Variants in HYAL3 observed in about 807,000 individuals in gnomAD.
HYAL3 encodes hyaluronidase 3.
Under a neutral mutation model 29.6 loss-of-function variants are expected in HYAL3, and 25 were observed. The observed-to-expected ratio is 0.85, with a 90% CI of 0.62 to 1.18. The LOEUF (loss-of-function observed/expected upper bound fraction) is 1.18. HYAL3 is among the 50% of genes most tolerant of loss of function. HYAL3 has a pLI of 0.00. For synonymous variants in HYAL3, 215 were observed against 218.3 expected (o/e 0.99, Z 0.13); for missense variants, 442 against 548.4 (o/e 0.81, Z 1.94).
rs587643089 is a variant in HYAL3 at position 50,294,606 on chromosome 3, G to A, written c.894+103C>T. ...CAGGACAGGGCCTTCCGCTGAGAACGCCTAGATTAGGACCAACCCCTAGGC... is the reference window on the plus strand; with the variant it reads ...CAGGACAGGGCCTTCCGCTGAGAACACCTAGATTAGGACCAACCCCTAGGC... On this transcript the variant is annotated intron_variant, in intron 2 of 3. Transcript: ENST00000336307. 49 of 974,356 alleles carry A rather than the reference G, an allele frequency of 5.0e-5. No individual in the cohort carries two copies. In the East Asian group the frequency reaches 8.9e-4, roughly 18 times the overall value. 60.4% of individuals were successfully genotyped at this position (974,356 alleles called of 1,614,324 possible).
In HYAL3 at chr3:50,292,965, G is replaced by T. The variant is rs1553710225; in HGVS notation, c.*281C>A. On this transcript the variant is annotated 3_prime_UTR_variant, in exon 4 of 4. Transcript: ENST00000336307. Reference sequence around the variant, plus strand: ...GTGACCTCTCCATGGGCTTAGTGAGGTGTAGGCACAAAGCCCTAGGCTGGC... The same window carrying T: ...GTGACCTCTCCATGGGCTTAGTGAGTTGTAGGCACAAAGCCCTAGGCTGGC... 6.5e-7 allele frequency: 1 copy of T among 1,546,364 alleles called. No homozygotes were observed. The highest frequency in any genetic ancestry group is 2.5e-5 in the East Asian group (1 of 40,312).
Position 50,293,171 on chromosome 3 carries a change from G to A in HYAL3, c.*75C>T. ...GTTGACTGTAAACTGAATAGAGCAAGAGTGGGACAGAGTAGTTCCAGGACT... is the reference window on the plus strand; with the variant it reads ...GTTGACTGTAAACTGAATAGAGCAAAAGTGGGACAGAGTAGTTCCAGGACT... On this transcript the variant is annotated 3_prime_UTR_variant, in exon 4 of 4. Transcript: ENST00000336307. 2 of 1,592,164 alleles carry A rather than the reference G, an allele frequency of 1.3e-6. No homozygotes were observed. Among genetic ancestry groups the A allele is most frequent in the African/African-American group, 1.3e-5 (1 of 74,700 alleles).
rs1553710226 is a variant in HYAL3, at chr3:50,292,966, T to C, written c.*280A>G. ...TGACCTCTCCATGGGCTTAGTGAGGTGTAGGCACAAAGCCCTAGGCTGGCA... is the reference window on the plus strand; with the variant it reads ...TGACCTCTCCATGGGCTTAGTGAGGCGTAGGCACAAAGCCCTAGGCTGGCA... On this transcript the variant is annotated 3_prime_UTR_variant, in exon 4 of 4. Transcript: ENST00000336307. The C allele has an allele frequency of 1.9e-6, 3 of 1,545,424 alleles. No homozygotes were observed. In the East Asian group the frequency reaches 7.5e-5, roughly 38 times the overall value.
Position 50,299,213 on chromosome 3 carries a change from A to G in HYAL3, c.-18T>C, listed in dbSNP as rs782539688. ...CAAATGGGAAGGGTGCGGTACTGAC[A>G]TGTTGATGCTGGCCTCTGGGATGTT... On this transcript the variant is annotated splice_region_variant and 5_prime_UTR_variant, in exon 1 of 4. The change abolishes an upstream ATG in the 5' untranslated region. Transcript: ENST00000336307. The G allele has an allele frequency of 1.2e-6, 2 of 1,614,128 alleles. No homozygotes were observed. The highest frequency in any genetic ancestry group is 1.7e-6 in the Non-Finnish European group (2 of 1,179,998).
Position 50,295,481 on chromosome 3 carries a change from T to G in HYAL3, c.122A>C (p.His41Pro). ...GTGCACACCAAAGCGGGCCTCACAG[T>G]GTGCTGAGGGTACATTCCACAGCAC... ...FSVLWNVPSA[H>P]CEARFGVHLP... is the part of the protein sequence containing the mutation. Residue 41 changes from histidine to proline, a missense_variant, in exon 2 of 4, where the codon CAC becomes CCC. By Grantham distance (77) the His-to-Pro change is moderately conservative (BLOSUM62 -2). Transcript: ENST00000336307. 2 of 1,613,012 alleles carry G rather than the reference T, an allele frequency of 1.2e-6. No individual in the cohort carries two copies. The highest frequency in any genetic ancestry group is 1.7e-6 in the Non-Finnish European group (2 of 1,179,718).
intron 1 of HYAL3, chr3:50,296,897 C>T: frequency 6.2e-7 from 1 of 1,608,688 alleles, no homozygotes; most frequent in Non-Finnish European, 8.5e-7. Flanking sequence ...GCTCACCCAG[C>T]TGGTAGCCCA....
In HYAL3 at chr3:50,296,418, T is replaced by TA; in HGVS notation, c.-17-800dup. ...TCACAGCCATACCCAAGAGAGCCTT[T>TA]ATTCAGCCACACTGACGGCTCTGAG... On this transcript the variant is annotated intron_variant, in intron 1 of 3. Transcript: ENST00000336307. 4 of 651,662 alleles carry TA rather than the reference T, an allele frequency of 6.1e-6. No homozygotes were observed. The South Asian group carries it at 7.9e-5, about 13-fold the overall frequency. 40.4% of individuals were successfully genotyped at this position (651,662 alleles called of 1,614,324 possible).
intron 2 of HYAL3, 126 bp downstream of exon 2, chr3:50,294,583 G>A: frequency 1.3e-6 from 1 of 767,808 alleles, no homozygotes. Context: ...AGATGCTCCA[G>A]GACAGGGCCT....
Position 50,295,311 on chromosome 3 carries a change from C to A in HYAL3, c.292G>T (p.Ala98Ser), listed in dbSNP as rs1425146077. The A allele has an allele frequency of 1.4e-5, 22 of 1,614,052 alleles. No individual in the cohort carries two copies. Among genetic ancestry groups the A allele is most frequent in the Non-Finnish European group, 1.7e-5 (20 of 1,180,048 alleles). The change falls in exon 2 of 4, where the codon GCT (alanine) becomes TCT (serine). Residue 98 changes from alanine to serine, a missense_variant. By Grantham distance (99) the Ala-to-Ser change is moderately conservative. Coordinates refer to ENST00000336307, the MANE Select transcript of HYAL3 (RefSeq NM_003549.4). ...GTAHNGGIPQ[A>S]LPLDRHLALA... Reference sequence around the variant, plus strand: ...GCCAGGTGGCGGTCAAGGGGCAAAGCCTGGGGGATGCCCCCATTGTGAGCT... The same window carrying A: ...GCCAGGTGGCGGTCAAGGGGCAAAGACTGGGGGATGCCCCCATTGTGAGCT...
chr3:50,297,961 G>C lies in HYAL3; in HGVS notation c.-18+1252C>G. On this transcript the variant is annotated intron_variant, in intron 1 of 3. Coordinates refer to ENST00000336307, the MANE Select transcript of HYAL3 (RefSeq NM_003549.4). This position sits in a 1 kb window ranked among gnomAD's most constrained non-coding sequence, Gnocchi z 4.3. ...GGAGTCCTGGCCCCAGCCTGCTCTG[G>C]CTACAAATTTGTCCTCCTCAGGACC... 1.0e-6 allele frequency: 1 copy of C among 988,734 alleles called. No individual in the cohort carries two copies. Among genetic ancestry groups the C allele is most frequent in the Non-Finnish European group, 1.2e-6 (1 of 832,442 alleles). The allele number at this position is 988,734 out of a possible 1,614,324, so 61.2% of individuals were successfully genotyped here.
intron 1 of HYAL3, chr3:50,298,169 C>T (rs1205999441): frequency 9.2e-6 from 8 of 871,990 alleles, no homozygotes; most frequent in African/African-American, 5.5e-5. Flanking sequence ...AAAAACTGCC[C>T]GGGAGTCTTC....
rs1407686299 is a variant in HYAL3 at position 50,296,499 on chromosome 3, GC to G, written c.-17-881del. On this transcript the variant is annotated intron_variant, in intron 1 of 3. Transcript: ENST00000336307. ...CAGGAAACATGCCCAGGTTAAAGCTGCCCCCCAGGGGCTAGGGGCTGAGGTA... is the reference window on the plus strand; with the variant it reads ...CAGGAAACATGCCCAGGTTAAAGCTGCCCCCAGGGGCTAGGGGCTGAGGTA... 44 of 1,342,900 alleles carry G rather than the reference GC, an allele frequency of 3.3e-5. No homozygotes were observed. In the East Asian group the frequency reaches 1.0e-3, roughly 32 times the overall value. 83.2% of individuals were successfully genotyped at this position (1,342,900 alleles called of 1,614,324 possible). A position where few individuals can be genotyped will look rare whatever the true frequency, so the allele number is the denominator to read the frequency against.
At chr3:50,298,661 G>C (rs1435733902) in intron 1 of HYAL3, among the ~76,000 whole-genome samples, 3 of 152,112 alleles carry the variant, frequency 2.0e-5, no homozygotes, top group Non-Finnish European at 2.9e-5. Context: ...TCTAGTCGTG[G>C]GCGGGCAGCT....
Position 50,294,853 on chromosome 3 carries a change from C to G in HYAL3, c.750G>C (p.Arg250Ser), listed in dbSNP as rs369523871. 8.4e-6 allele frequency: 13 copies of G among 1,540,254 alleles called. No homozygotes were observed. In the African/African-American group the frequency reaches 1.1e-4, roughly 13 times the overall value. ...ALFPSIYLPPRLPPAHHQAFV... is the reference protein window; with the variant it reads ...ALFPSIYLPPSLPPAHHQAFV... ...AGGCCTGGTGGTGGGCAGGTGGCAGCCTGGGTGGGAGGTAGATGCTGGGGA... is the reference window on the plus strand; with the variant it reads ...AGGCCTGGTGGTGGGCAGGTGGCAGGCTGGGTGGGAGGTAGATGCTGGGGA... Residue 250 changes from arginine (R) to serine (S), a missense_variant, in exon 2 of 4, where the codon AGG becomes AGC. Physicochemically the swap from Arg to Ser is moderately radical, Grantham distance 110. Transcript: ENST00000336307.
Position 50,297,868 on chromosome 3 carries a change from G to A in HYAL3, c.-18+1345C>T. 1 of 1,028,596 alleles carries A rather than the reference G, an allele frequency of 9.7e-7. No individual in the cohort carries two copies. Among genetic ancestry groups the A allele is most frequent in the Non-Finnish European group, 1.2e-6 (1 of 858,808 alleles). 63.7% of individuals were successfully genotyped at this position (1,028,596 alleles called of 1,614,324 possible). A position where few individuals can be genotyped will look rare whatever the true frequency, so the allele number is the denominator to read the frequency against. On this transcript the variant is annotated intron_variant, in intron 1 of 3. Coordinates refer to ENST00000336307, the MANE Select transcript of HYAL3 (RefSeq NM_003549.4). The surrounding 1 kb of genome is among the most constrained non-coding windows in gnomAD (Gnocchi z 4.3). ...TATAGAGCAGGGCAGATAGATCCAG[G>A]TGTCTACCCCACATTGGAGGGAGGC...
At chr3:50,298,079 C>T (rs1351885542) in intron 1 of HYAL3, 1 of 985,346 alleles carries the variant, frequency 1.0e-6, no homozygotes, top group Admixed American at 6.1e-5. Flanking sequence ...CCTCCTAGTC[C>T]ACCACTAGGG....
At position 50,295,257 on chromosome 3, in the gene HYAL3, G is replaced by A. The variant is rs782570580; in HGVS notation, c.346C>T (p.Leu116=). The A allele has an allele frequency of 6.2e-7, 1 of 1,613,990 alleles. No individual in the cohort carries two copies. The highest frequency in any genetic ancestry group is 8.5e-7 in the Non-Finnish European group (1 of 1,180,020). ...ALAAYQIHHS[L]RPGFAGPAVL... is the part of the protein sequence containing the mutation. ...GCTGGGCCAGCAAAGCCAGGTCTCA[G>A]GCTGTGGTGGATCTGGTAGGCAGCC... is the stretch of plus-strand genomic sequence containing the variant. Residue 116 remains leucine (L), a synonymous_variant, in exon 2 of 4, where the codon CTG becomes TTG. Transcript: ENST00000336307.
Position 50,297,328 on chromosome 3 carries a change from C to T in HYAL3, c.-17-1709G>A. ...GCTGGGGTCTCCTCTGGCTGGTGTT[C>T]AGGATCCAGGGTAAGCTCAGTTGGA... On this transcript the variant is annotated intron_variant, in intron 1 of 3. Transcript: ENST00000336307. The surrounding 1 kb of genome is among the most constrained non-coding windows in gnomAD (Gnocchi z 4.3). 6.2e-7 allele frequency: 1 copy of T among 1,608,124 alleles called. No individual in the cohort carries two copies. The highest frequency in any genetic ancestry group is 8.5e-7 in the Non-Finnish European group (1 of 1,176,456).
chr3:50,298,928 T>G (rs1701994261), intron 1 of HYAL3: 3 of 1,394,792 alleles, frequency 2.2e-6, no homozygotes, highest in African/African-American at 1.5e-5. Flanking sequence ...CTTAACCCCT[T>G]CAGTGCCGAC....
Sources: allele counts gnomAD v4.1 joint callset (sites outside exome capture counted in the v4.1 genomes callset), GRCh38; gene constraint gnomAD v4.1.1; non-coding constraint Gnocchi (gnomAD v3.1); transcripts MANE v1.5; gene names NCBI Gene and HGNC (gene_info 2026-07-23, HGNC 2026-07-21).